HERC1: variants seen among roughly 807,000 people sequenced by gnomAD.
The protein encoded by HERC1 is probable E3 ubiquitin-protein ligase HERC1.
In HERC1, 160 loss-of-function variants were observed where a neutral mutation model predicts 554.3. The ratio of observed to expected loss-of-function variants is 0.29; its 90% CI spans 0.25 to 0.33. The LOEUF (loss-of-function observed/expected upper bound fraction) is 0.33, where lower values mean the gene tolerates loss of function less well. Ranked by LOEUF, HERC1 falls within the 10% of genes least tolerant of loss-of-function variation. The pLI is 1.00. For synonymous variants in HERC1, 2,175 were observed against 2,131.7 expected, an observed-to-expected ratio of 1.02 and a Z score of -0.56; for missense variants, 4,919 against 5,918.5, an observed-to-expected ratio of 0.83 and a Z score of 5.54.
intron 25 of HERC1, among the ~76,000 whole-genome samples, chr15:63,706,358 T>C (rs1023626644): frequency 3.3e-5 from 5 of 152,168 alleles, no homozygotes; most frequent in African/African-American, 1.2e-4. Flanking sequence ...TCAACGTGTG[T>C]GTACACGTGT....
At chr15:63,648,395 T>C (rs2069469996) in intron 54 of HERC1, among the ~76,000 whole-genome samples, 196 bp from the exon 55 acceptor site, 1 of 152,218 alleles carries the variant, frequency 6.6e-6, no homozygotes, top group Admixed American at 6.5e-5. Context: ...AAGTGTCGCT[T>C]ATCTGTGACA....
chr15:63,622,830 C>A lies in HERC1; in HGVS notation c.13673G>T (p.Gly4558Val). The A allele has an allele frequency of 6.2e-7, 1 of 1,606,196 alleles. No individual in the cohort carries two copies. The highest frequency in any genetic ancestry group is 8.5e-7 in the Non-Finnish European group (1 of 1,176,688). ...ACTGCCATACCTGTCCCTATTGTAA[C>A]CCACTTCTGCGGTGGCATTGGGAGA... ...IPSPNATAEV[G>V]YNRDRFLFNP... Residue 4558 changes from glycine to valine, a missense_variant, in exon 74 of 78, where the codon GGT (glycine) becomes GTT (valine). Transcript: ENST00000443617.
In HERC1 at chr15:63,698,791, T is replaced by G. The variant is rs777105000; in HGVS notation, c.4842A>C (p.Glu1614Asp). The change falls in exon 26 of 78, where the codon GAA becomes GAC. Residue 1614 changes from glutamate to aspartate, a missense_variant. Glu to Asp is a conservative substitution (Grantham distance 45). Around this residue, in one of 11 missense-constraint regions of HERC1, gnomAD observed 1,121 missense variants for 1,244.0 expected, o/e 0.90. Transcript: ENST00000443617. The part of the protein sequence containing the change: ...GNAPGFKEPE[E>D]SMSTSPQASI... The stretch of plus-strand genomic sequence containing the variant: ...AGGCCTGGGGACTTGTAGACATACT[T>G]TCCTCTGGCTCTTTAAAACCTGGGG... 2.5e-5 allele frequency: 41 copies of G among 1,613,844 alleles called. No individual in the cohort carries two copies. Among genetic ancestry groups the G allele is most frequent in the Non-Finnish European group, 3.5e-5 (41 of 1,179,862 alleles).
At chr15:63,706,006 G>A (rs1417199988) in intron 25 of HERC1, among the ~76,000 whole-genome samples, 2 of 96,528 alleles carry the variant, frequency 2.1e-5, no homozygotes, top group Non-Finnish European at 1.9e-5. Context: ...CTCCAGCCTG[G>A]ACAACAAAGC....
At chr15:63,626,608 A>C (rs1285910388) in intron 70 of HERC1, among the ~76,000 whole-genome samples, 1 of 152,252 alleles carries the variant, frequency 6.6e-6, no homozygotes, top group Non-Finnish European at 1.5e-5. Context: ...GGGATCTGAT[A>C]GCAAGTATTC....
intron 2 of HERC1, among the ~76,000 whole-genome samples, chr15:63,770,354 C>G (rs539856761): frequency 2.6e-4 from 40 of 152,308 alleles, no homozygotes; most frequent in African/African-American, 9.1e-4. Context: ...GTACAGACTT[C>G]TACTATAGCC....
intron 3 of HERC1, among the ~76,000 whole-genome samples, chr15:63,763,791 T>C (rs1446906234): frequency 6.6e-6 from 1 of 152,150 alleles, no homozygotes; most frequent in Non-Finnish European, 1.5e-5. Context: ...TATTTTATAA[T>C]AATTCATTAA....
At position 63,609,347 on chromosome 15, in the gene HERC1, G is replaced by A. The variant is rs533501020; in HGVS notation, c.14401-81C>T. ...GTGGGGCTGCCCATGACCTCTCCCT[G>A]CCTTCAAGATGGAATTAACATGGCC... On this transcript the variant is annotated intron_variant, in intron 77 of 77. Coordinates refer to ENST00000443617, the MANE Select transcript of HERC1 (RefSeq NM_003922.4). The A allele has an allele frequency of 6.5e-6, 8 of 1,234,898 alleles. No homozygotes were observed. The East Asian group carries it at 1.5e-4, about 24-fold the overall frequency. The allele number at this position is 1,234,898 out of a possible 1,614,324, so 76.5% of individuals were successfully genotyped here.
intron 50 of HERC1, among the ~76,000 whole-genome samples, chr15:63,655,493 T>A (rs1343227383): frequency 6.7e-6 from 1 of 148,860 alleles, no homozygotes; most frequent in Non-Finnish European, 1.5e-5. Flanking sequence ...TCATCTAAAT[T>A]TTATTAAAGA....
At position 63,636,040 on chromosome 15, in the gene HERC1, C is replaced by T; in HGVS notation, c.12335G>A (p.Gly4112Asp). Residue 4112 changes from glycine to aspartate, a missense_variant, in exon 65 of 78, where the codon GGT (glycine) becomes GAT (aspartate). By Grantham distance (94) the Gly-to-Asp change is moderately conservative. Around this residue, in one of 11 missense-constraint regions of HERC1, gnomAD observed 122 missense variants for 195.2 expected, o/e 0.63. Transcript: ENST00000443617. The part of the protein sequence containing the change: ...EVFSWGDGDY[G>D]KLGHGNSDRQ... ...GTCGCTGTTCCCATGGCCAAGTTTA[C>T]CATAGTCACCATCTCCCCAGCTAAA... 1 of 1,613,840 alleles carries T rather than the reference C, an allele frequency of 6.2e-7. No homozygotes were observed. Among genetic ancestry groups the T allele is most frequent in the Non-Finnish European group, 8.5e-7 (1 of 1,179,858 alleles).
At chr15:63,780,535 C>G (rs1356091158) in intron 1 of HERC1, 2 of 152,252 alleles carry the variant, frequency 1.3e-5, no homozygotes, top group Non-Finnish European at 2.9e-5. Context: ...TCCTGGCTAA[C>G]ACGGTGAAAC....
intron 27 of HERC1, among the ~76,000 whole-genome samples, chr15:63,695,383 C>CTTTT (rs35039072): frequency 4.8e-5 from 5 of 103,304 alleles, no homozygotes; most frequent in Non-Finnish European, 8.0e-5. Context: ...TCTGTATAAT[C>CTTTT]TTTTTTTTTT....
chr15:63,637,397 C>T (rs972100827), intron 64 of HERC1, 108 bp downstream of exon 64: 1 of 891,240 alleles, frequency 1.1e-6, no homozygotes, highest in Non-Finnish European at 1.7e-6. Flanking sequence ...TAAGTGAAAA[C>T]CTGATATGAT....
intron 1 of HERC1, among the ~76,000 whole-genome samples, chr15:63,780,844 A>C (rs1465448919): frequency 6.6e-6 from 1 of 152,222 alleles, no homozygotes; most frequent in Non-Finnish European, 1.5e-5. Context: ...AAATAATAAT[A>C]ACCTATATGC....
At chr15:63,649,321 T>C (rs9972573) in intron 54 of HERC1, among the ~76,000 whole-genome samples, 152,319 of 152,324 alleles carry the variant, frequency 1, 76,157 homozygotes, top group Non-Finnish European at 1. Context: ...CCACTGCACT[T>C]CAGCCTGGTG....
At chr15:63,771,597 A>G (rs1440028151) in intron 2 of HERC1, among the ~76,000 whole-genome samples, 1 of 151,792 alleles carries the variant, frequency 6.6e-6, no homozygotes, top group Non-Finnish European at 1.5e-5. Context: ...ATGCCTGGCT[A>G]ATTTTTTTAT....
At chr15:63,636,812 C>T (rs4984305) in intron 64 of HERC1, among the ~76,000 whole-genome samples, 68,027 of 151,888 alleles carry the variant, frequency 0.45, 16,287 homozygotes, top group Non-Finnish European at 0.54. Flanking sequence ...AAAACTGAGT[C>T]ACAAAGAGGT....
chr15:63,786,920 A>T (rs60312843), intron 1 of HERC1, among the ~76,000 whole-genome samples: 95,081 of 132,940 alleles, frequency 0.72, 33,424 homozygotes, highest in Middle Eastern at 0.8. Flanking sequence ...ATAAATTATT[A>T]TTTTTTTTTT....
intron 1 of HERC1, among the ~76,000 whole-genome samples, chr15:63,796,743 A>T (rs2144557860): frequency 6.6e-6 from 1 of 152,352 alleles, no homozygotes; most frequent in East Asian, 1.9e-4. Flanking sequence ...CAGGTCATAG[A>T]TACATTGAAA....
Sources: allele counts gnomAD v4.1 joint callset (sites outside exome capture counted in the v4.1 genomes callset), GRCh38; gene constraint gnomAD v4.1.1; regional missense constraint gnomAD v4.1.1; transcripts MANE v1.5; gene names NCBI Gene and HGNC (gene_info 2026-07-23, HGNC 2026-07-21).